WWOX: variants seen among roughly 807,000 people sequenced by gnomAD.
The protein encoded by WWOX is WW domain containing oxidoreductase.
In WWOX, 69 loss-of-function variants were observed where a neutral mutation model predicts 46.2. The ratio of observed to expected loss-of-function variants is 1.49; its 90% CI spans 1.23 to 1.82. The LOEUF is 1.82. Among genes scored for constraint, WWOX ranks in the 40% most tolerant of loss-of-function variants. The pLI is 0.00. For synonymous variants in WWOX, 359 were observed against 202.6 expected (o/e 1.77, Z -6.56); for missense variants, 919 against 542.6 (o/e 1.69, Z -6.89).
At chr16:78,132,849 A>C (rs572922185) in intron 4 of WWOX, among the ~76,000 whole-genome samples, 3 of 152,302 alleles carry the variant, frequency 2.0e-5, no homozygotes, top group African/African-American at 7.2e-5. Context: ...AGGTTTTATA[A>C]TTGCCATAAT....
intron 8 of WWOX, among the ~76,000 whole-genome samples, chr16:79,058,180 T>A (rs1162117577): frequency 1.3e-5 from 2 of 151,656 alleles, no homozygotes; most frequent in Admixed American, 1.3e-4. Context: ...ATAGAGTGTG[T>A]ACCTGTATAG....
intron 8 of WWOX, among the ~76,000 whole-genome samples, chr16:78,549,027 C>T (rs950356289): frequency 1.3e-5 from 2 of 152,076 alleles, no homozygotes; most frequent in African/African-American, 4.8e-5. Context: ...ATACTTTTAT[C>T]GGTGCCTTGA....
At chr16:78,948,879 C>G (rs2046001603) in intron 8 of WWOX, among the ~76,000 whole-genome samples, 1 of 152,048 alleles carries the variant, frequency 6.6e-6, no homozygotes, top group African/African-American at 2.4e-5. Context: ...AGGAGCCCTT[C>G]AAAGCAGAAG....
intron 8 of WWOX, among the ~76,000 whole-genome samples, chr16:78,646,537 C>G (rs2046848983): frequency 6.6e-6 from 1 of 152,108 alleles, no homozygotes; most frequent in Non-Finnish European, 1.5e-5. Flanking sequence ...AAGCAATTCT[C>G]TGGCCTCAGC....
intron 8 of WWOX, among the ~76,000 whole-genome samples, chr16:79,159,401 C>T (rs2050442185): frequency 6.6e-6 from 1 of 152,178 alleles, no homozygotes; most frequent in African/African-American, 2.4e-5. Flanking sequence ...TTTTCTAATG[C>T]AATTTGCCTC....
rs187062259 is a variant in WWOX, at chr16:79,113,664, C to T, written c.1057-97944C>T. On this transcript the variant is annotated intron_variant, in intron 8 of 8. Coordinates refer to ENST00000566780, the MANE Select transcript of WWOX (RefSeq NM_016373.4). ...GCTGACCATAAGTTGCACTAAACTGCTCTCAGCAGGGTGACCTGGAAGATC... is the reference window on the plus strand; with the variant it reads ...GCTGACCATAAGTTGCACTAAACTGTTCTCAGCAGGGTGACCTGGAAGATC... 7.7e-4 allele frequency among the ~76,000 whole-genome samples: 117 copies of T among 152,320 alleles called. 1 individual carries two copies. Among genetic ancestry groups the T allele is most frequent in the African/African-American group, 2.5e-3 (105 of 41,574 alleles).
At chr16:79,111,391 T>G (rs958578344) in intron 8 of WWOX, among the ~76,000 whole-genome samples, 4 of 152,240 alleles carry the variant, frequency 2.6e-5, no homozygotes, top group South Asian at 4.1e-4. Context: ...AATTCCTTTT[T>G]CTGGGGTCTT....
intron 4 of WWOX, among the ~76,000 whole-genome samples, chr16:78,163,280 C>T (rs892288275): frequency 2.0e-5 from 3 of 152,162 alleles, no homozygotes; most frequent in Non-Finnish European, 4.4e-5. Context: ...GGACTGATCA[C>T]TTTAATCAAA....
At chr16:79,060,484 T>A (rs1378576585) in intron 8 of WWOX, among the ~76,000 whole-genome samples, 1 of 152,218 alleles carries the variant, frequency 6.6e-6, no homozygotes, top group East Asian at 1.9e-4. Context: ...GCAGACTGAA[T>A]TTTTCCAATT....
intron 8 of WWOX, among the ~76,000 whole-genome samples, chr16:78,649,884 G>A (rs1269076627): frequency 6.6e-6 from 1 of 152,230 alleles, no homozygotes; most frequent in Non-Finnish European, 1.5e-5. Context: ...ATAAGGCACA[G>A]TAGTGGAAGC....
chr16:78,641,788 G>C (rs1330919800), intron 8 of WWOX, among the ~76,000 whole-genome samples: 1 of 152,148 alleles, frequency 6.6e-6, no homozygotes, highest in Non-Finnish European at 1.5e-5. Flanking sequence ...CCACTCGCCT[G>C]GGTCATTGAA....
At chr16:78,262,477 C>G (rs893398876) in intron 5 of WWOX, among the ~76,000 whole-genome samples, 2 of 152,102 alleles carry the variant, frequency 1.3e-5, no homozygotes, top group African/African-American at 2.4e-5. Flanking sequence ...ATGGCAAACC[C>G]TAGTCCTTAT....
intron 5 of WWOX, chr16:78,238,238 T>C (rs1255667788): frequency 6.6e-6 from 1 of 152,186 alleles, no homozygotes; most frequent in Non-Finnish European, 1.5e-5. Flanking sequence ...ATTTATTTGG[T>C]GGTGAAATTT....
chr16:79,067,426 T>G (rs1488325522), intron 8 of WWOX, among the ~76,000 whole-genome samples: 1 of 152,116 alleles, frequency 6.6e-6, no homozygotes, highest in Non-Finnish European at 1.5e-5. Flanking sequence ...TTAAAAACTT[T>G]ATGAAAACTC....
At chr16:78,566,432 G>A (rs573200122) in intron 8 of WWOX, among the ~76,000 whole-genome samples, 24 of 152,266 alleles carry the variant, frequency 1.6e-4, no homozygotes, top group Admixed American at 1.1e-3. Context: ...TCTGAGTTCT[G>A]CCAAAAACCA....
intron 8 of WWOX, among the ~76,000 whole-genome samples, chr16:78,562,077 A>G (rs2044453364): frequency 6.6e-6 from 1 of 152,166 alleles, no homozygotes; most frequent in Non-Finnish European, 1.5e-5. Context: ...GCACTCAACA[A>G]ACATCACTTC....
rs1049843869 is a variant in WWOX at position 78,395,949 on chromosome 16, G to A, written c.605+9001G>A. ...TTTCAGATGAGTTGCCATAAAAGCA[G>A]CCTGCTCTGGATAAGTGAGGTACAG... On this transcript the variant is annotated intron_variant, in intron 6 of 8. Coordinates refer to ENST00000566780, the MANE Select transcript of WWOX (RefSeq NM_016373.4). Among the ~76,000 whole-genome samples the A allele has an allele frequency of 2.6e-5, 4 of 152,246 alleles. No homozygotes were observed. The East Asian group carries it at 7.7e-4, about 29-fold the overall frequency.
At chr16:78,282,644 A>G (rs1029991306) in intron 5 of WWOX, among the ~76,000 whole-genome samples, 3 of 152,056 alleles carry the variant, frequency 2.0e-5, no homozygotes, top group African/African-American at 7.2e-5. Flanking sequence ...TGGGAGGCCT[A>G]GGTGCGCAGA....
intron 8 of WWOX, chr16:78,756,793 A>G (rs1471803251): frequency 1.9e-6 from 1 of 517,902 alleles, no homozygotes; most frequent in Non-Finnish European, 3.5e-6. Flanking sequence ...CTTGGTAGCC[A>G]TGTCTCAGCA....
Sources: allele counts gnomAD v4.1 joint callset (sites outside exome capture counted in the v4.1 genomes callset), GRCh38; gene constraint gnomAD v4.1.1; transcripts MANE v1.5; gene names NCBI Gene and HGNC (gene_info 2026-07-23, HGNC 2026-07-21).